SUN3: variants seen among roughly 807,000 people sequenced by gnomAD.
The protein encoded by SUN3 is SUN domain-containing protein 3.
In SUN3, 36 loss-of-function variants were observed where a neutral mutation model predicts 48.2. That is an observed-to-expected ratio of 0.75 (90% CI 0.57 to 0.99). The LOEUF (loss-of-function observed/expected upper bound fraction) is 0.99. SUN3 is among the 50% of genes least tolerant of loss of function. The pLI, the probability that SUN3 is intolerant of heterozygous loss-of-function variation, is 0.00. For missense variants in SUN3, 419 were observed against 433.1 expected (o/e 0.97, Z 0.29); for synonymous variants, 148 against 147.9 (o/e 1.00, Z 0.00).
intron 8 of SUN3, 66 bp downstream of exon 8, chr7:47,994,249 C>T: frequency 6.6e-7 from 1 of 1,517,706 alleles, no homozygotes; most frequent in Non-Finnish European, 9.1e-7. Context: ...AGAGGACAGC[C>T]CCTAATTCCT....
At chr7:48,018,812 A>G (rs1012567251) in intron 2 of SUN3, among the ~76,000 whole-genome samples, 4 of 152,158 alleles carry the variant, frequency 2.6e-5, no homozygotes, top group African/African-American at 9.7e-5. Context: ...CACATTCAAA[A>G]AGAGAAAATG....
rs112286224 is a variant in SUN3, at chr7:47,999,223, C to T, written c.578-3077G>A. ...CAGTTCCCACATTTTGTTAGTCTTA[C>T]ACCTAAGTATTTTATGTTTTTTACT... On this transcript the variant is annotated intron_variant, in intron 6 of 9. Coordinates refer to ENST00000297325, the MANE Select transcript of SUN3 (RefSeq NM_001030019.2). Among the ~76,000 whole-genome samples the T allele has an allele frequency of 3.0e-3, 456 of 152,184 alleles. 6 individuals carry two copies. Among genetic ancestry groups the T allele is most frequent in the African/African-American group, 0.01 (425 of 41,540 alleles).
At chr7:48,035,735 G>A in the SUN3 span, 255 of 585,482 alleles carry the variant, frequency 4.4e-4, no homozygotes, top group African/African-American at 4.5e-3. This position sits in a 1 kb window ranked among gnomAD's most constrained non-coding sequence, Gnocchi z 4.0. Context: ...GGGGCTGGAG[G>A]GAGGGGACCA....
chr7:48,010,894 G>A (rs958245118), intron 3 of SUN3, among the ~76,000 whole-genome samples: 1 of 152,140 alleles, frequency 6.6e-6, no homozygotes, highest in Non-Finnish European at 1.5e-5. Context: ...AGGTCCTCAG[G>A]GAGATTCTGT....
At chr7:47,996,539 A>C (rs1031011696) in intron 6 of SUN3, among the ~76,000 whole-genome samples, 1 of 152,212 alleles carries the variant, frequency 6.6e-6, no homozygotes, top group Non-Finnish European at 1.5e-5. Flanking sequence ...CAGAAAACCA[A>C]CAATGCTCCA....
At chr7:47,989,688 AAG>A (rs1409987605) in intron 8 of SUN3, among the ~76,000 whole-genome samples, 2 of 152,228 alleles carry the variant, frequency 1.3e-5, no homozygotes, top group East Asian at 1.9e-4. Flanking sequence ...ATGTGGGGAA[AAG>A]AGAGATCAGA....
rs780140288 is a variant in SUN3 at position 47,988,760 on chromosome 7, T to A, written c.954+28A>T. Reference sequence around the variant, plus strand: ...AAATTTCTCCCAGTGATAGAGCTACTCATATCATTTCCCAGAGCATACATT... The same window carrying A: ...AAATTTCTCCCAGTGATAGAGCTACACATATCATTTCCCAGAGCATACATT... On this transcript the variant is annotated intron_variant, in intron 9 of 9. Transcript: ENST00000297325. 3 of 1,399,422 alleles carry A rather than the reference T, an allele frequency of 2.1e-6. No individual in the cohort carries two copies. The Admixed American group carries it at 5.4e-5, about 25-fold the overall frequency. The allele number at this position is 1,399,422 out of a possible 1,614,324, so 86.7% of individuals were successfully genotyped here.
intron 4 of SUN3, among the ~76,000 whole-genome samples, chr7:48,007,628 A>T (rs1055459708): frequency 6.6e-6 from 1 of 152,136 alleles, no homozygotes; most frequent in Non-Finnish European, 1.5e-5. Flanking sequence ...CACACAGGTG[A>T]ATCCTAAATC....
rs745939558 is a variant in SUN3, at chr7:48,007,165, C to T, written c.492G>A (p.Glu164=). 4 of 1,613,316 alleles carry T rather than the reference C, an allele frequency of 2.5e-6. No individual in the cohort carries two copies. The Admixed American group carries it at 6.7e-5, about 27-fold the overall frequency. ...GDPVEDPDHT[E]EVSNLVNYVL... ...CAACCCGCCTAGCCTCATCCAGGAC[C>T]TCTGTGTGGTCCGGGTCCTCCACAG... Residue 164 remains glutamate, a splice_region_variant and synonymous_variant, in exon 5 of 10, where the codon GAG becomes GAA. Transcript: ENST00000297325.
At chr7:48,003,309 G>T (rs75237406) in intron 6 of SUN3, among the ~76,000 whole-genome samples, 2 of 152,106 alleles carry the variant, frequency 1.3e-5, no homozygotes, top group East Asian at 3.8e-4. Context: ...ATGCTGTTTT[G>T]GTTACTGTAG....
chr7:48,029,029 A>G lies in SUN3; in HGVS notation c.-91T>C. ...ATGAAAAACATGAAGCTATACATAC[A>G]GTTTCTAAATTTGTTTTGTATAATG... is the stretch of plus-strand genomic sequence containing the variant. On this transcript the variant is annotated 5_prime_UTR_variant, in exon 1 of 10. Coordinates refer to ENST00000297325, the MANE Select transcript of SUN3 (RefSeq NM_001030019.2). 1 of 1,558,026 alleles carries G rather than the reference A, an allele frequency of 6.4e-7. No individual in the cohort carries two copies. Among genetic ancestry groups the G allele is most frequent in the Non-Finnish European group, 8.7e-7 (1 of 1,154,540 alleles).
chr7:48,025,985 T>G, intron 1 of SUN3, 47 bp from the exon 2 acceptor site: 3 of 1,346,370 alleles, frequency 2.2e-6, no homozygotes, highest in South Asian at 1.2e-5. Flanking sequence ...AACAACATCA[T>G]GCATTTAACT....
upstream of SUN3, among the ~76,000 whole-genome samples, chr7:48,033,161 T>C (rs1790274838): frequency 6.6e-6 from 1 of 152,252 alleles, no homozygotes; most frequent in Non-Finnish European, 1.5e-5. Flanking sequence ...GATATTCTTA[T>C]TATAAATAAA....
the SUN3 span, chr7:48,035,361 G>A: frequency 1.0e-5 from 6 of 581,520 alleles, no homozygotes; most frequent in Non-Finnish European, 1.8e-5. This position sits in a 1 kb window ranked among gnomAD's most constrained non-coding sequence, Gnocchi z 4.0. Flanking sequence ...CCCTGGTCCG[G>A]CTCTGGGCTA....
In SUN3 at chr7:48,007,235, T is replaced by C; in HGVS notation, c.422A>G (p.Lys141Arg). Residue 141 changes from lysine to arginine, a missense_variant, in exon 5 of 10, where the codon AAG (lysine) becomes AGG (arginine). Transcript: ENST00000297325. ...GTTGTGATTATTGTCCATACCATCCTTCATATCTCTTAGCAATGCCTTCAG... is the reference window on the plus strand; with the variant it reads ...GTTGTGATTATTGTCCATACCATCCCTCATATCTCTTAGCAATGCCTTCAG... ...DVLKALLRDM[K>R]DGMDNNHNWN... 6.2e-7 allele frequency: 1 copy of C among 1,613,662 alleles called. No individual in the cohort carries two copies. The highest frequency in any genetic ancestry group is 2.2e-5 in the East Asian group (1 of 44,848).
At chr7:48,005,851 C>CCT in intron 6 of SUN3, 118 bp downstream of exon 6, 1 of 322,498 alleles carries the variant, frequency 3.1e-6, no homozygotes, top group South Asian at 3.9e-5. Context: ...TGATTAATTT[C>CCT]CCCCCCCCAA....
chr7:48,021,986 T>C (rs191473602), intron 2 of SUN3, among the ~76,000 whole-genome samples: 2 of 152,234 alleles, frequency 1.3e-5, no homozygotes, highest in Admixed American at 6.5e-5. Flanking sequence ...TGTTGCAGCA[T>C]TGTTCACAAT....
chr7:48,012,357 G>C (rs1789706875), intron 3 of SUN3, among the ~76,000 whole-genome samples: 1 of 152,028 alleles, frequency 6.6e-6, no homozygotes, highest in African/African-American at 2.4e-5. Context: ...ATAGCCATGG[G>C]CAAAGCCCAG....
intron 4 of SUN3, among the ~76,000 whole-genome samples, chr7:48,008,476 C>A (rs968616816): frequency 6.6e-6 from 1 of 152,070 alleles, no homozygotes; most frequent in Non-Finnish European, 1.5e-5. Context: ...TGAATATATT[C>A]CAATGTATTT....
Sources: allele counts gnomAD v4.1 joint callset (sites outside exome capture counted in the v4.1 genomes callset), GRCh38; gene constraint gnomAD v4.1.1; non-coding constraint Gnocchi (gnomAD v3.1); transcripts MANE v1.5; gene names NCBI Gene and HGNC (gene_info 2026-07-23, HGNC 2026-07-21).